The following MACROD2 variants were observed in gnomAD, a reference collection of about 807,000 sequenced individuals.
MACROD2 encodes the protein ADP-ribose glycohydrolase MACROD2.
Under a neutral mutation model 70.4 loss-of-function variants are expected in MACROD2, and 36 were observed. The ratio of observed to expected loss-of-function variants is 0.51; its 90% CI spans 0.39 to 0.68. MACROD2 has a LOEUF of 0.68. MACROD2 is among the 30% of genes least tolerant of loss of function. The pLI is 0.00. For missense variants in MACROD2, 496 were observed against 538.4 expected (o/e 0.92, Z 0.78); for synonymous variants, 172 against 178.8 (o/e 0.96, Z 0.30).
rs570754100 is a variant in MACROD2 at position 15,583,935 on chromosome 20, G to A, written c.645+84088G>A. Among the ~76,000 whole-genome samples the A allele has an allele frequency of 1.2e-3, 176 of 152,342 alleles. 1 individual carries two copies. Among genetic ancestry groups the A allele is most frequent in the African/African-American group, 3.8e-3 (158 of 41,582 alleles). ...ATTACAGGCGTAAGCCACAACACCC[G>A]GCCTGCTGTGGGTATTTTGTGATCA... On this transcript the variant is annotated intron_variant, in intron 8 of 17. Coordinates refer to ENST00000684519, the MANE Select transcript of MACROD2 (RefSeq NM_001351661.2).
intron 8 of MACROD2, among the ~76,000 whole-genome samples, chr20:15,772,105 T>A (rs7261488): frequency 0.064 from 5,597 of 87,806 alleles, 301 homozygotes; most frequent in African/African-American, 0.079. Context: ...AAAAAAAATA[T>A]ATATATATAT....
At chr20:14,831,650 G>A (rs1375763422) in intron 5 of MACROD2, among the ~76,000 whole-genome samples, 1 of 151,404 alleles carries the variant, frequency 6.6e-6, no homozygotes, top group Non-Finnish European at 1.5e-5. Flanking sequence ...TGTGGTGGCG[G>A]GCGCTTGTAA....
At chr20:15,962,102 G>A (rs1397866913) in intron 12 of MACROD2, among the ~76,000 whole-genome samples, 1 of 152,166 alleles carries the variant, frequency 6.6e-6, no homozygotes, top group Non-Finnish European at 1.5e-5. Context: ...TCTTTGTTGA[G>A]TCGCTGACTT....
chr20:14,104,070 G>T (rs1339551800), intron 3 of MACROD2, among the ~76,000 whole-genome samples: 2 of 151,850 alleles, frequency 1.3e-5, no homozygotes, highest in Non-Finnish European at 2.9e-5. Context: ...TAACCAAATA[G>T]CTCTATGGAA....
rs74703923 is a variant in MACROD2, at chr20:15,931,669, T to A, written c.776-1607T>A. Among the ~76,000 whole-genome samples the A allele has an allele frequency of 5.9e-5, 9 of 152,136 alleles. No homozygotes were observed. In the East Asian group the frequency reaches 1.7e-3, roughly 29 times the overall value. On this transcript the variant is annotated intron_variant, in intron 10 of 17. Coordinates refer to ENST00000684519, the MANE Select transcript of MACROD2 (RefSeq NM_001351661.2). The stretch of plus-strand genomic sequence containing the variant: ...ATTAAAAAAAAAAAAAGTAGTTATA[T>A]TGTGTCCACCGTCACAAACGGCACA...
chr20:14,002,444 C>T (rs2052745147), intron 2 of MACROD2, 40 bp downstream of exon 2: 11 of 1,240,364 alleles, frequency 8.9e-6, no homozygotes, highest in African/African-American at 1.5e-5. Context: ...ATATTTTTCC[C>T]ATTTTAGGAC....
intron 5 of MACROD2, among the ~76,000 whole-genome samples, chr20:14,944,404 T>C (rs895919267): frequency 6.6e-6 from 1 of 152,208 alleles, no homozygotes; most frequent in African/African-American, 2.4e-5. Context: ...GTTCAAATGC[T>C]TTCTGCAGTC....
At chr20:14,284,037 A>G (rs957996412) in intron 3 of MACROD2, among the ~76,000 whole-genome samples, 9 of 152,222 alleles carry the variant, frequency 5.9e-5, no homozygotes, top group Non-Finnish European at 8.8e-5. Context: ...AGCTGCCCTT[A>G]GAAGTTGCTT....
intron 8 of MACROD2, among the ~76,000 whole-genome samples, chr20:15,659,681 A>C (rs6105448): frequency 0.12 from 18,180 of 151,958 alleles, 1,503 homozygotes; most frequent in East Asian, 0.39. Context: ...GTGTTGCTAC[A>C]AAGAATACCT....
chr20:15,043,682 C>CT (rs1256274290), intron 5 of MACROD2, among the ~76,000 whole-genome samples: 3 of 152,146 alleles, frequency 2.0e-5, no homozygotes, highest in Non-Finnish European at 4.4e-5. Flanking sequence ...GTGCTTCTCT[C>CT]TAACACTTTG....
intron 8 of MACROD2, among the ~76,000 whole-genome samples, chr20:15,810,112 G>T (rs1321535538): frequency 6.6e-6 from 1 of 150,884 alleles, no homozygotes; most frequent in East Asian, 2.0e-4. Context: ...AGAACATGTG[G>T]TGTTTGGTTT....
At chr20:15,390,597 A>T (rs1161366746) in intron 6 of MACROD2, among the ~76,000 whole-genome samples, 1 of 152,118 alleles carries the variant, frequency 6.6e-6, no homozygotes, top group African/African-American at 2.4e-5. Context: ...AATTAAATGG[A>T]TATCTATTAC....
At chr20:15,494,599 G>A (rs1568847514) in intron 7 of MACROD2, among the ~76,000 whole-genome samples, 2 of 152,052 alleles carry the variant, frequency 1.3e-5, no homozygotes, top group Non-Finnish European at 2.9e-5. Context: ...TCATATATGT[G>A]GAGTATAAAA....
At chr20:15,677,444 T>C (rs1471998943) in intron 8 of MACROD2, among the ~76,000 whole-genome samples, 1 of 152,060 alleles carries the variant, frequency 6.6e-6, no homozygotes, top group Admixed American at 6.5e-5. Context: ...GGCCATCACT[T>C]ATGCAGTCTC....
intron 5 of MACROD2, among the ~76,000 whole-genome samples, chr20:15,042,653 A>G (rs1371886400): frequency 2.6e-5 from 4 of 152,156 alleles, no homozygotes; most frequent in Non-Finnish European, 5.9e-5. Context: ...AGGATTGTGG[A>G]TGAACTTGAA....
intron 7 of MACROD2, among the ~76,000 whole-genome samples, chr20:15,483,516 G>A (rs911922974): frequency 1.3e-4 from 20 of 152,104 alleles, no homozygotes; most frequent in Non-Finnish European, 1.0e-4. Context: ...CCAATATTGT[G>A]TTGGCTATTC....
intron 5 of MACROD2, among the ~76,000 whole-genome samples, chr20:14,870,713 T>C (rs1439613613): frequency 6.6e-6 from 1 of 152,182 alleles, no homozygotes; most frequent in Non-Finnish European, 1.5e-5. Context: ...TTGAGGTTTT[T>C]TTCATATGAT....
At chr20:14,433,017 G>A (rs752477301) in intron 3 of MACROD2, among the ~76,000 whole-genome samples, 233 of 152,204 alleles carry the variant, frequency 1.5e-3, no homozygotes, top group Middle Eastern at 6.8e-3. Context: ...CTGTCATTAT[G>A]TGTCTGCACT....
At chr20:15,822,084 A>G (rs1249197834) in intron 8 of MACROD2, among the ~76,000 whole-genome samples, 1 of 152,174 alleles carries the variant, frequency 6.6e-6, no homozygotes, top group African/African-American at 2.4e-5. Flanking sequence ...CATTGAAAAA[A>G]CAAGTAGCCT....
Sources: allele counts gnomAD v4.1 joint callset (sites outside exome capture counted in the v4.1 genomes callset), GRCh38; gene constraint gnomAD v4.1.1; transcripts MANE v1.5; gene names NCBI Gene and HGNC (gene_info 2026-07-23, HGNC 2026-07-21).